GJC2: variants seen among roughly 807,000 people sequenced by gnomAD.
GJC2 encodes the protein gap junction protein gamma 2, also known as gap junction gamma-2 protein.
For missense variants in GJC2, 647 were observed against 648.9 expected, an observed-to-expected ratio of 1.00 and a Z score of 0.03; for synonymous variants, 336 against 307.5, an observed-to-expected ratio of 1.09 and a Z score of -0.97.
rs941530961 is a variant in GJC2 at position 228,151,335 on chromosome 1, T to C, written c.-20+1328T>C. Among the ~76,000 whole-genome samples the C allele has an allele frequency of 6.6e-6, 1 of 152,066 alleles. No homozygotes were observed. The highest frequency in any genetic ancestry group is 1.5e-5 in the Non-Finnish European group (1 of 68,012). ...CTGACATTCCTGAGCGCCACACCCA[T>C]GCTCTTGGGCTCCTGGGGGTCTGGT... On this transcript the variant is annotated intron_variant, in intron 1 of 1. Coordinates refer to ENST00000366714, the MANE Select transcript of GJC2 (RefSeq NM_020435.4). The surrounding 1 kb of genome is among the most constrained non-coding windows in gnomAD (Gnocchi z 5.4).
intron 1 of GJC2, among the ~76,000 whole-genome samples, chr1:228,153,543 C>T (rs1391734267): frequency 2.0e-5 from 3 of 151,196 alleles, no homozygotes; most frequent in African/African-American, 7.3e-5. Context: ...CACCACCATG[C>T]CTGGCAAATT....
chr1:228,153,726 G>A (rs1293572904), intron 1 of GJC2, among the ~76,000 whole-genome samples: 1 of 151,514 alleles, frequency 6.6e-6, no homozygotes, highest in Non-Finnish European at 1.5e-5. Context: ...GGGACTACAG[G>A]CACGCGCCAC....
rs78587210 is a variant in GJC2, at chr1:228,159,083, G to T, written c.*5G>T. On this transcript the variant is annotated 3_prime_UTR_variant, in exon 2 of 2. Transcript: ENST00000366714. This position sits in a 1 kb window ranked among gnomAD's most constrained non-coding sequence, Gnocchi z 4.0. The stretch of plus-strand genomic sequence containing the variant: ...AAGACCACCGTGTGGATCTGAGGGC[G>T]CTGGCTTGCGAGCTGGGCCAGGGAG... 1.3e-3 allele frequency: 2,153 copies of T among 1,609,426 alleles called. 22 individuals are homozygous for T. In the African/African-American group the frequency reaches 0.025, roughly 19 times the overall value.
Position 228,151,383 on chromosome 1 carries a change from C to T in GJC2, c.-20+1376C>T, listed in dbSNP as rs2034614151. 6.6e-6 allele frequency among the ~76,000 whole-genome samples: 1 copy of T among 152,020 alleles called. No individual in the cohort carries two copies. Among genetic ancestry groups the T allele is most frequent in the Non-Finnish European group, 1.5e-5 (1 of 67,992 alleles). The stretch of plus-strand genomic sequence containing the variant: ...GGTCAGTTCAGGAGCTGTGGCAGGC[C>T]ATGTAAGGGGAGCCACCATGTGGGC... On this transcript the variant is annotated intron_variant, in intron 1 of 1. Transcript: ENST00000366714. This position sits in a 1 kb window ranked among gnomAD's most constrained non-coding sequence, Gnocchi z 5.4.
In GJC2 at chr1:228,152,564, GGCCCCCACTGTGA is replaced by G. The variant is rs992072424; in HGVS notation, c.-20+2565_-20+2577del. On this transcript the variant is annotated intron_variant, in intron 1 of 1. Transcript: ENST00000366714. This position sits in a 1 kb window ranked among gnomAD's most constrained non-coding sequence, Gnocchi z 7.3. Reference sequence around the variant, plus strand: ...TTGCCCTGAAACCCTTCCCAGAGGTGGCCCCCACTGTGAGCCCCCATGGTGAGTCCCTTTGCTC... The same window carrying G: ...TTGCCCTGAAACCCTTCCCAGAGGTGGCCCCCATGGTGAGTCCCTTTGCTC... Among the ~76,000 whole-genome samples, 5 of 152,064 alleles carry G rather than the reference GGCCCCCACTGTGA, an allele frequency of 3.3e-5. No individual in the cohort carries two copies. The highest frequency in any genetic ancestry group is 7.4e-5 in the Non-Finnish European group (5 of 67,974).
Position 228,157,845 on chromosome 1 carries a change from G to A in GJC2, c.87G>A (p.Thr29=), listed in dbSNP as rs781315856. 2.0e-5 allele frequency: 32 copies of A among 1,607,966 alleles called. No individual in the cohort carries two copies. In the Admixed American group the frequency reaches 4.2e-4, roughly 21 times the overall value. ...CCTTCGTGGGCAAGGTGTGGCTCAC[G>A]GTGCTGGTGGTCTTCCGCATCGTGC... ...HSTFVGKVWL[T]VLVVFRIVLT... Residue 29 remains threonine, a synonymous_variant, in exon 2 of 2, where the codon ACG becomes ACA. Coordinates refer to ENST00000366714, the MANE Select transcript of GJC2 (RefSeq NM_020435.4).
chr1:228,155,242 C>T (rs1239230132), intron 1 of GJC2, among the ~76,000 whole-genome samples: 1 of 152,170 alleles, frequency 6.6e-6, no homozygotes, highest in African/African-American at 2.4e-5. Flanking sequence ...GAGTGGGCTC[C>T]AGCCAGTGTG....
Position 228,151,367 on chromosome 1 carries a change from A to G in GJC2, c.-20+1360A>G, listed in dbSNP as rs142364030. ...GGGCTCCTGGGGGTCTGGTCAGTTC[A>G]GGAGCTGTGGCAGGCCATGTAAGGG... On this transcript the variant is annotated intron_variant, in intron 1 of 1. Transcript: ENST00000366714. The surrounding 1 kb of genome is among the most constrained non-coding windows in gnomAD (Gnocchi z 5.4). 3.7e-3 allele frequency among the ~76,000 whole-genome samples: 565 copies of G among 152,016 alleles called. 10 individuals carry two copies. The highest frequency in any genetic ancestry group is 0.032 in the East Asian group (162 of 5,118).
In GJC2 at chr1:228,158,554, G is replaced by A. The variant is rs1486216355; in HGVS notation, c.796G>A (p.Val266Ile). Residue 266 changes from valine (V) to isoleucine (I), a missense_variant, in exon 2 of 2, where the codon GTC (valine) becomes ATC (isoleucine). Physicochemically the swap from Val to Ile is conservative, Grantham distance 29 (BLOSUM62 3). Transcript: ENST00000366714. The surrounding 1 kb of genome is among the most constrained non-coding windows in gnomAD (Gnocchi z 8.3). ...CGTGTCGCGCCCTACTGAAAAGACG[G>A]TCTTCCTGCTGGTTATGTACGTGGT... ...CFVSRPTEKT[V>I]FLLVMYVVSC... 2 of 1,612,766 alleles carry A rather than the reference G, an allele frequency of 1.2e-6. No homozygotes were observed. The highest frequency in any genetic ancestry group is 1.7e-5 in the Admixed American group (1 of 59,976).
In GJC2 at chr1:228,158,945, G is replaced by A. The variant is rs932326557; in HGVS notation, c.1187G>A (p.Ser396Asn). 6.4e-7 allele frequency: 1 copy of A among 1,566,746 alleles called. No individual in the cohort carries two copies. The highest frequency in any genetic ancestry group is 8.6e-7 in the Non-Finnish European group (1 of 1,159,158). The change falls in exon 2 of 2, where the codon AGT becomes AAT. Residue 396 changes from serine to asparagine, a missense_variant. Transcript: ENST00000366714. The surrounding 1 kb of genome is among the most constrained non-coding windows in gnomAD (Gnocchi z 8.3). Reference protein sequence around the residue: ...RAGAPASRTGSATSAGTVGEQ... With the variant: ...RAGAPASRTGNATSAGTVGEQ... ...GGCGCCCCCGCGTCCCGGACGGGCA[G>A]TGCTACCTCTGCGGGCACTGTCGGG...
rs1558117195 is a variant in GJC2 at position 228,150,469 on chromosome 1, G to T, written c.-20+462G>T. Among the ~76,000 whole-genome samples the T allele has an allele frequency of 3.3e-5, 5 of 152,292 alleles. No homozygotes were observed. In the South Asian group the frequency reaches 1.0e-3, roughly 32 times the overall value. ...TGCCCCTGGTATAGACAGACCTGGGGCCCTGCTCAGTCCCCTCCATAGAAG... is the reference window on the plus strand; with the variant it reads ...TGCCCCTGGTATAGACAGACCTGGGTCCCTGCTCAGTCCCCTCCATAGAAG... On this transcript the variant is annotated intron_variant, in intron 1 of 1. Coordinates refer to ENST00000366714, the MANE Select transcript of GJC2 (RefSeq NM_020435.4). The surrounding 1 kb of genome is among the most constrained non-coding windows in gnomAD (Gnocchi z 4.6).
Position 228,158,829 on chromosome 1 carries a change from G to C in GJC2, c.1071G>C (p.Ala357=). ...DQNLANLALQ[A]LRDGAAAGDR... ...ACCTGGCAAACCTGGCCCTGCAGGC[G>C]CTGCGCGACGGGGCAGCGGCTGGGG... Residue 357 remains alanine (A), a synonymous_variant, in exon 2 of 2, where the codon GCG becomes GCC. Coordinates refer to ENST00000366714, the MANE Select transcript of GJC2 (RefSeq NM_020435.4). The surrounding 1 kb of genome is among the most constrained non-coding windows in gnomAD (Gnocchi z 8.3). 6.9e-7 allele frequency: 1 copy of C among 1,459,792 alleles called. No homozygotes were observed. The highest frequency in any genetic ancestry group is 1.3e-5 in the South Asian group (1 of 78,880). 90.4% of individuals were successfully genotyped at this position (1,459,792 alleles called of 1,614,324 possible).
rs987426681 is a variant in GJC2, at chr1:228,151,110, A to G, written c.-20+1103A>G. Among the ~76,000 whole-genome samples, 1 of 152,092 alleles carries G rather than the reference A, an allele frequency of 6.6e-6. No individual in the cohort carries two copies. Among genetic ancestry groups the G allele is most frequent in the Non-Finnish European group, 1.5e-5 (1 of 67,990 alleles). ...CTGTTCCTGCTTGGGACCCTGAGGG[A>G]GGGAACTCAAGAACAGGCTGCAGGA... On this transcript the variant is annotated intron_variant, in intron 1 of 1. Transcript: ENST00000366714. This position sits in a 1 kb window ranked among gnomAD's most constrained non-coding sequence, Gnocchi z 5.4.
intron 1 of GJC2, among the ~76,000 whole-genome samples, chr1:228,157,332 G>C (rs1441305297): frequency 2.0e-5 from 3 of 152,134 alleles, no homozygotes; most frequent in African/African-American, 7.2e-5. Flanking sequence ...TGGGGGCTAG[G>C]GAGCTGGAGG....
At chr1:228,156,229 C>T (rs1316896586) in intron 1 of GJC2, among the ~76,000 whole-genome samples, 1 of 152,206 alleles carries the variant, frequency 6.6e-6, no homozygotes, top group Non-Finnish European at 1.5e-5. Context: ...CATGTGTGTG[C>T]ATATGCACAA....
rs982022969 is a variant in GJC2, at chr1:228,152,173, C to T, written c.-20+2166C>T. Among the ~76,000 whole-genome samples the T allele has an allele frequency of 2.0e-5, 3 of 151,858 alleles. No individual in the cohort carries two copies. Among genetic ancestry groups the T allele is most frequent in the East Asian group, 1.9e-4 (1 of 5,136 alleles). Reference sequence around the variant, plus strand: ...AAGCGACAGCACAGTGCCTGCCATGCGCTGGGGTACCATCATTTTCGGGGA... The same window carrying T: ...AAGCGACAGCACAGTGCCTGCCATGTGCTGGGGTACCATCATTTTCGGGGA... On this transcript the variant is annotated intron_variant, in intron 1 of 1. Coordinates refer to ENST00000366714, the MANE Select transcript of GJC2 (RefSeq NM_020435.4). This position sits in a 1 kb window ranked among gnomAD's most constrained non-coding sequence, Gnocchi z 7.3.
Position 228,158,637 on chromosome 1 carries a change from C to G in GJC2, c.879C>G (p.Ser293Arg), listed in dbSNP as rs868063664. The change falls in exon 2 of 2, where the codon AGC becomes AGG. Residue 293 changes from serine to arginine, a missense_variant. Ser to Arg is a moderately radical substitution (Grantham distance 110, BLOSUM62 -1). Coordinates refer to ENST00000366714, the MANE Select transcript of GJC2 (RefSeq NM_020435.4). This position sits in a 1 kb window ranked among gnomAD's most constrained non-coding sequence, Gnocchi z 8.3. Reference sequence around the variant, plus strand: ...AGATGGCCCACCTGGGCTTGGGCAGCGCGCAGGACGCGGTGCGCGGCCGCC... The same window carrying G: ...AGATGGCCCACCTGGGCTTGGGCAGGGCGCAGGACGCGGTGCGCGGCCGCC... Reference protein sequence around the residue: ...LCEMAHLGLGSAQDAVRGRRG... With the variant: ...LCEMAHLGLGRAQDAVRGRRG... The G allele has an allele frequency of 3.1e-6, 5 of 1,603,856 alleles. No individual in the cohort carries two copies. Among genetic ancestry groups the G allele is most frequent in the Non-Finnish European group, 3.4e-6 (4 of 1,176,256 alleles).
rs1033005575 is a variant in GJC2 at position 228,150,267 on chromosome 1, G to A, written c.-20+260G>A. On this transcript the variant is annotated intron_variant, in intron 1 of 1. Transcript: ENST00000366714. This position sits in a 1 kb window ranked among gnomAD's most constrained non-coding sequence, Gnocchi z 4.6. ...CTTCACCGCAGGGTGGGCACCAACC[G>A]GTGGGGTCTGCTCTGGGACAGCTGG... Among the ~76,000 whole-genome samples the A allele has an allele frequency of 7.2e-5, 11 of 152,156 alleles. No homozygotes were observed. Among genetic ancestry groups the A allele is most frequent in the African/African-American group, 1.2e-4 (5 of 41,440 alleles).
At chr1:228,157,517 CCAT>C in intron 1 of GJC2, among the ~76,000 whole-genome samples, 1 of 152,310 alleles carries the variant, frequency 6.6e-6, no homozygotes, top group South Asian at 2.1e-4. Flanking sequence ...CTCAGTGTCC[CCAT>C]CTGCCTCATG....
Sources: gnomAD v4.1 joint callset for allele counts (sites outside exome capture counted in the v4.1 genomes callset) on GRCh38, gnomAD v4.1.1 for gene constraint, Gnocchi (gnomAD v3.1) non-coding constraint, MANE v1.5 for transcripts, NCBI Gene and HGNC (gene_info 2026-07-23, HGNC 2026-07-21) for gene names.